Variants in SEC14L1 observed in about 807,000 individuals in gnomAD.
The protein encoded by SEC14L1 is SEC14-like protein 1.
SEC14L1 carries 48 observed loss-of-function variants against 85.3 expected under a neutral mutation model. The ratio of observed to expected loss-of-function variants is 0.56; its 90% CI spans 0.45 to 0.72. SEC14L1 has a LOEUF of 0.72. Ranked by LOEUF, SEC14L1 falls within the 30% of genes least tolerant of loss-of-function variation. The pLI is 0.00. For synonymous variants in SEC14L1, 391 were observed against 355.5 expected, an observed-to-expected ratio of 1.10 and a Z score of -1.12; for missense variants, 682 against 921.4, an observed-to-expected ratio of 0.74 and a Z score of 3.36.
chr17:77,175,366 G>C (rs548558142), intron 3 of SEC14L1, among the ~76,000 whole-genome samples: 1 of 152,226 alleles, frequency 6.6e-6, no homozygotes. Context: ...TTCACAGAAG[G>C]GGGTGGGCTA....
chr17:77,176,115 C>A (rs1598347647), intron 3 of SEC14L1, among the ~76,000 whole-genome samples: 1 of 151,918 alleles, frequency 6.6e-6, no homozygotes. Flanking sequence ...CATGGTGAAA[C>A]CCTGTCTCTA....
chr17:77,091,963 C>T (rs1333351189), intron 2 of SEC14L1, among the ~76,000 whole-genome samples: 1 of 152,142 alleles, frequency 6.6e-6, no homozygotes. Flanking sequence ...AGGCACATGC[C>T]ATCACACCCG....
chr17:77,175,894 T>G (rs1974729991), intron 3 of SEC14L1, among the ~76,000 whole-genome samples: 2 of 152,184 alleles, frequency 1.3e-5, no homozygotes, highest in African/African-American at 4.8e-5. Context: ...GCCCAGGGCT[T>G]TTTATGGGCT....
chr17:77,195,164 T>G (rs554064789), intron 7 of SEC14L1: 106 of 503,056 alleles, frequency 2.1e-4, no homozygotes, highest in African/African-American at 1.9e-3. Context: ...CAGAAGGTGT[T>G]TGTTTGTTTG....
chr17:77,106,361 G>A (rs976342174), intron 3 of SEC14L1, among the ~76,000 whole-genome samples: 10 of 151,822 alleles, frequency 6.6e-5, no homozygotes, highest in African/African-American at 2.2e-4. Flanking sequence ...GTGAAACCCC[G>A]TCTCTACTAA....
chr17:77,113,556 C>T (rs1168992327), intron 3 of SEC14L1, among the ~76,000 whole-genome samples: 2 of 152,084 alleles, frequency 1.3e-5, no homozygotes, highest in Non-Finnish European at 2.9e-5. Flanking sequence ...CCAGCCTGGC[C>T]AACATGGTGA....
At chr17:77,172,577 C>T (rs1380723692) in intron 3 of SEC14L1, among the ~76,000 whole-genome samples, 1 of 152,142 alleles carries the variant, frequency 6.6e-6, no homozygotes, top group Admixed American at 6.5e-5. Context: ...TTTTGAGCGT[C>T]TCTCAAAAGC....
rs190563598 is a variant in SEC14L1 at position 77,159,030 on chromosome 17, G to A, written c.63+15371G>A. 4.4e-4 allele frequency among the ~76,000 whole-genome samples: 65 copies of A among 149,252 alleles called. 1 individual carries two copies. In the East Asian group the frequency reaches 6.0e-3, roughly 14 times the overall value. On this transcript the variant is annotated intron_variant, in intron 3 of 16. Coordinates refer to ENST00000436233, the MANE Select transcript of SEC14L1 (RefSeq NM_001143998.2). ...CATGTTGGCCAGGCTGGTCTAGGAC[G>A]CCTGGCTTCGTGTGATCCACCCAAC... is the stretch of plus-strand genomic sequence containing the variant.
chr17:77,114,980 T>A (rs1430689984), intron 3 of SEC14L1, among the ~76,000 whole-genome samples: 1 of 152,184 alleles, frequency 6.6e-6, no homozygotes, highest in Admixed American at 6.5e-5. Context: ...TTTCTTGTTT[T>A]GCCTTTAGTC....
chr17:77,107,618 C>T (rs1283331691), intron 3 of SEC14L1, among the ~76,000 whole-genome samples: 1 of 152,038 alleles, frequency 6.6e-6, no homozygotes, highest in Non-Finnish European at 1.5e-5. Context: ...AGAAGATCCC[C>T]ACCCACAACG....
At chr17:77,103,831 G>T (rs912894448) in intron 3 of SEC14L1, among the ~76,000 whole-genome samples, 52 of 149,940 alleles carry the variant, frequency 3.5e-4, no homozygotes, top group African/African-American at 1.2e-3. Flanking sequence ...GCTCCATGGG[G>T]TTATGAGGAT....
In SEC14L1 at chr17:77,123,171, T is replaced by C. The variant is rs369163249; in HGVS notation, c.-135-19475T>C. Among the ~76,000 whole-genome samples, 15 of 151,744 alleles carry C rather than the reference T, an allele frequency of 9.9e-5. No individual in the cohort carries two copies. In the South Asian group the frequency reaches 2.9e-3, roughly 29 times the overall value. ...TTCAAGCGATCCTTCTGCCTCAGCC[T>C]CCCGAGTAGCTGGGACTACAGGTGC... On this transcript the variant is annotated intron_variant, in intron 3 of 19. Transcript: ENST00000392476.
intron 3 of SEC14L1, among the ~76,000 whole-genome samples, chr17:77,152,155 T>A (rs1973588163): frequency 6.6e-6 from 1 of 152,092 alleles, no homozygotes. Flanking sequence ...TTTTTTTAAA[T>A]TTGAAATTAT....
chr17:77,170,954 G>C (rs1038583835), intron 3 of SEC14L1, among the ~76,000 whole-genome samples: 1 of 152,142 alleles, frequency 6.6e-6, no homozygotes, highest in South Asian at 2.1e-4. Flanking sequence ...GTTTGGGAAA[G>C]GGATGGCCTC....
intron 3 of SEC14L1, among the ~76,000 whole-genome samples, chr17:77,116,359 T>G (rs777156253): frequency 8.5e-5 from 13 of 152,048 alleles, no homozygotes; most frequent in Non-Finnish European, 1.9e-4. Flanking sequence ...ATGATGTGAG[T>G]AAAACCCGGA....
In SEC14L1 at chr17:77,196,234, C is replaced by T; in HGVS notation, c.742C>T (p.Leu248=). 6.2e-7 allele frequency: 1 copy of T among 1,614,068 alleles called. No individual in the cohort carries two copies. Residue 248 remains leucine (L), a synonymous_variant, in exon 8 of 17, where the codon CTG becomes TTG. Transcript: ENST00000436233. ...KLDADYIKRY[L]GDLTPLQESC... ...AGATGCCGACTACATCAAGAGATAC[C>T]TGGGCGATTTGACTCCGCTGCAGGA...
upstream of SEC14L1, among the ~76,000 whole-genome samples, chr17:77,136,605 T>G (rs150645873): frequency 1.9e-3 from 293 of 152,362 alleles, 1 homozygote; most frequent in Admixed American, 4.2e-3. Context: ...GATTAAGTTC[T>G]GGCCAATGGG....
intron 3 of SEC14L1, among the ~76,000 whole-genome samples, chr17:77,155,979 C>T (rs969757585): frequency 3.3e-5 from 5 of 152,172 alleles, no homozygotes; most frequent in African/African-American, 4.8e-5. Flanking sequence ...CTCTCCATGG[C>T]GAGGCCTCCA....
At chr17:77,192,503 G>C (rs1019780054) in intron 5 of SEC14L1, among the ~76,000 whole-genome samples, 1 of 152,142 alleles carries the variant, frequency 6.6e-6, no homozygotes, top group African/African-American at 2.4e-5. Context: ...GTCATGCAGT[G>C]GGCCTCCCCC....
Sources: allele counts gnomAD v4.1 joint callset (sites outside exome capture counted in the v4.1 genomes callset), GRCh38; gene constraint gnomAD v4.1.1; transcripts MANE v1.5; gene names NCBI Gene and HGNC (gene_info 2026-07-23, HGNC 2026-07-21).